ZNF713: variants seen among roughly 807,000 people sequenced by gnomAD.
The protein encoded by ZNF713 is zinc finger protein 713.
In ZNF713, 21 loss-of-function variants were observed where a neutral mutation model predicts 28.7. That is an observed-to-expected ratio of 0.73 (90% CI 0.52 to 1.05). The LOEUF is 1.05. Ranked by LOEUF, ZNF713 falls within the 50% of genes least tolerant of loss-of-function variation. The pLI is 0.00. For synonymous variants in ZNF713, 167 were observed against 178.0 expected (o/e 0.94, Z 0.49); for missense variants, 458 against 532.4 (o/e 0.86, Z 1.37).
At chr7:55,914,677 C>A (rs570082109) in intron 4 of ZNF713, among the ~76,000 whole-genome samples, 1 of 152,154 alleles carries the variant, frequency 6.6e-6, no homozygotes, top group African/African-American at 2.4e-5. Flanking sequence ...TGTGTTGATA[C>A]CAGCAGGTAG....
chr7:55,887,923 AGG>A (rs1785307860), intron 1 of ZNF713, among the ~76,000 whole-genome samples: 1 of 118,998 alleles, frequency 8.4e-6, no homozygotes, highest in South Asian at 2.9e-4. Context: ...AGGTGGCGGG[AGG>A]GGCGGCCGCT....
At chr7:55,893,666 G>A (rs1281993867) in intron 1 of ZNF713, among the ~76,000 whole-genome samples, 3 of 152,080 alleles carry the variant, frequency 2.0e-5, no homozygotes, top group East Asian at 3.9e-4. Flanking sequence ...TGCAACCTCC[G>A]CCTCCCGGGT....
At chr7:55,930,755 GTC>G (rs1459596295) in intron 6 of ZNF713, among the ~76,000 whole-genome samples, 1 of 151,566 alleles carries the variant, frequency 6.6e-6, no homozygotes. Context: ...AACAGAGACT[GTC>G]TCAAAAATAA....
chr7:55,919,496 T>TTTGTTTTTTTTTTGTTTTTTTTTTG, intron 4 of ZNF713, among the ~76,000 whole-genome samples: 1 of 31,516 alleles, frequency 3.2e-5, no homozygotes, highest in Non-Finnish European at 5.1e-5. Context: ...TCCAGTTTTT[T>TTTGTTTTTTTTTTGTTTTTTTTTTG]TTTTTTTTTT....
chr7:55,909,519 A>G (rs2116209120), intron 2 of ZNF713, among the ~76,000 whole-genome samples: 1 of 152,238 alleles, frequency 6.6e-6, no homozygotes, highest in African/African-American at 2.4e-5. Flanking sequence ...TTGGTTATTC[A>G]GGCTCTTTTT....
intron 1 of ZNF713, among the ~76,000 whole-genome samples, chr7:55,889,675 C>G (rs1229180644): frequency 1.4e-5 from 2 of 147,592 alleles, no homozygotes; most frequent in East Asian, 4.0e-4. Flanking sequence ...CTTTGTCTTA[C>G]ACCCATGCAC....
chr7:55,895,626 G>A (rs1255922552), intron 1 of ZNF713, among the ~76,000 whole-genome samples: 3 of 151,716 alleles, frequency 2.0e-5, no homozygotes, highest in Admixed American at 2.0e-4. Flanking sequence ...GCGCCACCAT[G>A]CCTGGCTAAT....
chr7:55,918,991 C>A (rs577267474), intron 4 of ZNF713, among the ~76,000 whole-genome samples: 1 of 150,502 alleles, frequency 6.6e-6, no homozygotes, highest in African/African-American at 2.4e-5. Context: ...GAAATTCTGC[C>A]TCAAAAGAAA....
intron 4 of ZNF713, among the ~76,000 whole-genome samples, chr7:55,920,838 C>G (rs1036420383): frequency 6.6e-6 from 1 of 151,940 alleles, no homozygotes; most frequent in African/African-American, 2.4e-5. Context: ...CCAGGCTGGT[C>G]TCGAGCTCCT....
chr7:55,898,088 A>G (rs1195309095), intron 1 of ZNF713, among the ~76,000 whole-genome samples: 1 of 151,574 alleles, frequency 6.6e-6, no homozygotes, highest in Non-Finnish European at 1.5e-5. Flanking sequence ...GTTAATCACC[A>G]ATGGACAATC....
chr7:55,891,068 A>G (rs1466680749), intron 1 of ZNF713, among the ~76,000 whole-genome samples: 1 of 152,146 alleles, frequency 6.6e-6, no homozygotes, highest in Non-Finnish European at 1.5e-5. Context: ...TTCCTAGCAT[A>G]GATTAAGGTT....
In ZNF713 at chr7:55,939,220, T is replaced by C. The variant is rs766945638; in HGVS notation, c.546T>C (p.Cys182=). The change falls in exon 7 of 7, where the codon TGT becomes TGC. Residue 182 remains cysteine, a synonymous_variant. Transcript: ENST00000429591. ...TCACACAGGAGAGAAGCCTTGAGTG[T>C]AATAAATTTGCAGAAAACTGTAATC... ...KKITQERSLE[C]NKFAENCNLN... is the part of the protein sequence containing the mutation. 1 of 1,614,182 alleles carries C rather than the reference T, an allele frequency of 6.2e-7. No individual in the cohort carries two copies. The highest frequency in any genetic ancestry group is 1.7e-5 in the Admixed American group (1 of 60,014).
intron 4 of ZNF713, among the ~76,000 whole-genome samples, chr7:55,919,568 C>T (rs971506615): frequency 4.6e-5 from 6 of 130,680 alleles, no homozygotes; most frequent in Non-Finnish European, 6.2e-5. Flanking sequence ...TGCAGTGGCA[C>T]GATCCTGGCT....
intron 1 of ZNF713, among the ~76,000 whole-genome samples, chr7:55,905,914 C>T (rs2116199200): frequency 6.6e-6 from 1 of 151,922 alleles, no homozygotes; most frequent in South Asian, 2.1e-4. Context: ...CCATCCTGGC[C>T]AACATGATGA....
chr7:55,933,454 C>A (rs1786283198), intron 6 of ZNF713, among the ~76,000 whole-genome samples: 1 of 151,658 alleles, frequency 6.6e-6, no homozygotes, highest in Non-Finnish European at 1.5e-5. Flanking sequence ...TGCCACCACG[C>A]CTGGCTAATT....
At chr7:55,921,195 A>C (rs1785984548) in intron 4 of ZNF713, among the ~76,000 whole-genome samples, 1 of 152,190 alleles carries the variant, frequency 6.6e-6, no homozygotes, top group Non-Finnish European at 1.5e-5. Flanking sequence ...AGGAAAAAAA[A>C]AAAATCCCTT....
At position 55,923,065 on chromosome 7, in the gene ZNF713, A is replaced by G. The variant is rs574152671; in HGVS notation, c.88-97A>G. On this transcript the variant is annotated intron_variant, in intron 4 of 6. Coordinates refer to ENST00000429591, the MANE Select transcript of ZNF713 (RefSeq NM_182633.3). The stretch of plus-strand genomic sequence containing the variant: ...CAGAGTCCTGAAGACTATCAGCACA[A>G]TGGCTTAGATAACCTGGTGCTACAC... 1.3e-5 allele frequency: 18 copies of G among 1,366,126 alleles called. No homozygotes were observed. The South Asian group carries it at 3.0e-4, about 23-fold the overall frequency. The allele number at this position is 1,366,126 out of a possible 1,614,324, so 84.6% of individuals were successfully genotyped here.
chr7:55,919,129 A>G (rs1785937433), intron 4 of ZNF713, among the ~76,000 whole-genome samples: 1 of 152,204 alleles, frequency 6.6e-6, no homozygotes, highest in Admixed American at 6.5e-5. Context: ...GTGAGGGAAA[A>G]AGATAAACTA....
At chr7:55,934,931 T>C (rs989192420) in intron 6 of ZNF713, among the ~76,000 whole-genome samples, 1 of 148,452 alleles carries the variant, frequency 6.7e-6, no homozygotes, top group Non-Finnish European at 1.5e-5. Flanking sequence ...CTCTGTTGCC[T>C]AGACTGGAGT....
Sources: gnomAD v4.1 joint callset for allele counts (sites outside exome capture counted in the v4.1 genomes callset) on GRCh38, gnomAD v4.1.1 for gene constraint, MANE v1.5 for transcripts, NCBI Gene and HGNC (gene_info 2026-07-23, HGNC 2026-07-21) for gene names.